NTM: variants seen among roughly 807,000 people sequenced by gnomAD.
NTM encodes neurotrimin.
NTM carries 13 observed loss-of-function variants against 42.1 expected under a neutral mutation model. That is an observed-to-expected ratio of 0.31 (90% CI 0.20 to 0.49). The LOEUF (loss-of-function observed/expected upper bound fraction) is 0.49, where lower values mean the gene tolerates loss of function less well. Ranked by LOEUF, NTM falls within the 20% of genes least tolerant of loss-of-function variation. The probability of loss-of-function intolerance (pLI) is 0.99; values close to 1 mark genes in which losing one functional copy is unlikely to be tolerated. For missense variants in NTM, 373 were observed against 452.8 expected, an observed-to-expected ratio of 0.82 and a Z score of 1.60; for synonymous variants, 187 against 179.2, an observed-to-expected ratio of 1.04 and a Z score of -0.35.
intron 1 of NTM, among the ~76,000 whole-genome samples, chr11:131,745,180 G>A (rs1364691318): frequency 6.6e-6 from 1 of 152,138 alleles, no homozygotes; most frequent in East Asian, 1.9e-4. Context: ...CAATGATTAT[G>A]GCTTGTAATA....
intron 1 of NTM, 159 bp from the exon 2 acceptor site, chr11:131,911,405 C>G: frequency 6.2e-7 from 1 of 1,600,438 alleles, no homozygotes; most frequent in South Asian, 1.1e-5. Context: ...GCTCCGCACC[C>G]CACCCACTTC....
intron 1 of NTM, among the ~76,000 whole-genome samples, chr11:131,820,499 G>T (rs1479442683): frequency 1.3e-5 from 2 of 152,132 alleles, no homozygotes; most frequent in African/African-American, 4.8e-5. Flanking sequence ...ATATAAAAAA[G>T]GATGAGAGAA....
intron 1 of NTM, among the ~76,000 whole-genome samples, chr11:131,797,968 T>C (rs1422113935): frequency 1.3e-5 from 2 of 152,032 alleles, no homozygotes; most frequent in Non-Finnish European, 2.9e-5. Context: ...AAATGACATT[T>C]TTCATTTGAT....
At chr11:132,232,575 G>C (rs577699339) in intron 4 of NTM, among the ~76,000 whole-genome samples, 5 of 152,292 alleles carry the variant, frequency 3.3e-5, no homozygotes, top group African/African-American at 9.6e-5. Context: ...TGCTCTGCCA[G>C]TTACTAAGTG....
intron 1 of NTM, among the ~76,000 whole-genome samples, chr11:131,542,086 A>C (rs2136810127): frequency 6.6e-6 from 1 of 152,318 alleles, no homozygotes; most frequent in Non-Finnish European, 1.5e-5. Context: ...ACAGAGCATA[A>C]GTATTGACCT....
chr11:131,589,737 T>C (rs2059203789), intron 1 of NTM, among the ~76,000 whole-genome samples: 1 of 152,124 alleles, frequency 6.6e-6, no homozygotes, highest in Admixed American at 6.5e-5. Flanking sequence ...CGCACACACA[T>C]GTGACACCAG....
At chr11:132,206,448 A>T (rs2082005254) in intron 3 of NTM, among the ~76,000 whole-genome samples, 1 of 152,212 alleles carries the variant, frequency 6.6e-6, no homozygotes, top group African/African-American at 2.4e-5. Flanking sequence ...TCACTCATTG[A>T]GCACTTCACA....
At chr11:132,001,708 T>C (rs1317501769) in intron 2 of NTM, among the ~76,000 whole-genome samples, 7 of 151,968 alleles carry the variant, frequency 4.6e-5, no homozygotes, top group Non-Finnish European at 1.5e-5. Context: ...ACACTGGGGA[T>C]TGTAATTCAG....
chr11:132,190,828 C>T (rs1028997566), intron 3 of NTM, among the ~76,000 whole-genome samples: 3 of 151,728 alleles, frequency 2.0e-5, no homozygotes, highest in Non-Finnish European at 4.4e-5. Flanking sequence ...AGACTTCCTT[C>T]AGGGGTTAGC....
chr11:132,094,017 G>C (rs1363383829), intron 2 of NTM, among the ~76,000 whole-genome samples: 1 of 152,136 alleles, frequency 6.6e-6, no homozygotes, highest in Non-Finnish European at 1.5e-5. Context: ...AACAGAAAAC[G>C]GAAGTGAGAT....
At chr11:131,827,769 G>A (rs568484613) in intron 1 of NTM, among the ~76,000 whole-genome samples, 1 of 152,248 alleles carries the variant, frequency 6.6e-6, no homozygotes, top group Admixed American at 6.5e-5. Flanking sequence ...CAGATATCTG[G>A]TGTCCTTCCC....
intron 2 of NTM, among the ~76,000 whole-genome samples, chr11:131,942,257 C>G (rs2059876157): frequency 6.6e-6 from 1 of 152,230 alleles, no homozygotes; most frequent in Non-Finnish European, 1.5e-5. Context: ...ACTAACACAA[C>G]ACATATTAAT....
At chr11:131,621,450 C>T (rs2062532381) in intron 1 of NTM, among the ~76,000 whole-genome samples, 1 of 151,888 alleles carries the variant, frequency 6.6e-6, no homozygotes, top group African/African-American at 2.4e-5. Flanking sequence ...AATACAAGGG[C>T]AAGTGTGCTG....
chr11:131,738,557 T>C (rs2080784427), intron 1 of NTM, among the ~76,000 whole-genome samples: 2 of 152,142 alleles, frequency 1.3e-5, no homozygotes, highest in African/African-American at 2.4e-5. Flanking sequence ...ATATTGTGAG[T>C]TCTAGAGGAA....
chr11:131,893,682 A>G lies in NTM; in HGVS notation c.83-17882A>G, dbSNP rs78962148. 8.4e-3 allele frequency among the ~76,000 whole-genome samples: 1,285 copies of G among 152,266 alleles called. 18 individuals carry two copies. The highest frequency in any genetic ancestry group is 0.029 in the African/African-American group (1,206 of 41,566). ...CTTTGGATGTTTTTGGTTGCAAGTA[A>G]TCAAGCCCCTTACAGCAGATGCTTA... On this transcript the variant is annotated intron_variant, in intron 1 of 8. Coordinates refer to ENST00000683400, the MANE Select transcript of NTM (RefSeq NM_001352005.2).
At chr11:131,956,904 G>A (rs1039435640) in intron 2 of NTM, among the ~76,000 whole-genome samples, 8 of 152,116 alleles carry the variant, frequency 5.3e-5, no homozygotes, top group African/African-American at 1.7e-4. Context: ...CCAGCTTGGT[G>A]CTATTAATCA....
At chr11:132,247,878 C>G (rs967338652) in intron 4 of NTM, among the ~76,000 whole-genome samples, 1 of 152,112 alleles carries the variant, frequency 6.6e-6, no homozygotes, top group Non-Finnish European at 1.5e-5. Flanking sequence ...TCATTTTACC[C>G]CCTGTGTATC....
chr11:131,891,424 C>T (rs1476650938), intron 1 of NTM, among the ~76,000 whole-genome samples: 2 of 152,060 alleles, frequency 1.3e-5, no homozygotes, highest in Non-Finnish European at 2.9e-5. Flanking sequence ...AGATGCTGTC[C>T]AGAAGTATGG....
intron 2 of NTM, among the ~76,000 whole-genome samples, chr11:132,052,595 TAACA>T (rs1281482802): frequency 1.1e-4 from 16 of 152,208 alleles, no homozygotes; most frequent in Admixed American, 9.2e-4. Context: ...GCAGGAAATC[TAACA>T]GACAGGAATT....
Sources: gnomAD v4.1 joint callset for allele counts (sites outside exome capture counted in the v4.1 genomes callset) on GRCh38, gnomAD v4.1.1 for gene constraint, MANE v1.5 for transcripts, NCBI Gene and HGNC (gene_info 2026-07-23, HGNC 2026-07-21) for gene names.